STAMBPL1: variants seen among roughly 807,000 people sequenced by gnomAD.
STAMBPL1 encodes STAM binding protein like 1.
STAMBPL1 carries 44 observed loss-of-function variants against 52.9 expected under a neutral mutation model. That is an observed-to-expected ratio of 0.83 (90% confidence interval 0.65 to 1.07). The LOEUF (loss-of-function observed/expected upper bound fraction) is 1.07. Among genes scored for constraint, STAMBPL1 ranks in the 50% least tolerant of loss-of-function variants. The pLI, the probability that STAMBPL1 is intolerant of heterozygous loss-of-function variation, is 0.00. For synonymous variants in STAMBPL1, 164 were observed against 177.3 expected (o/e 0.92, Z 0.60); for missense variants, 511 against 520.8 (o/e 0.98, Z 0.18).
intron 1 of STAMBPL1, among the ~76,000 whole-genome samples, chr10:88,897,856 C>T (rs1366722387): frequency 6.6e-6 from 1 of 152,202 alleles, no homozygotes; most frequent in Non-Finnish European, 1.5e-5. Context: ...TTGCATGATA[C>T]TGAATACTTC....
chr10:88,910,777 T>G (rs1845201824), intron 4 of STAMBPL1, 139 bp from the exon 5 acceptor site: 1 of 535,616 alleles, frequency 1.9e-6, no homozygotes, highest in South Asian at 2.5e-5. Flanking sequence ...AAAAAAGAGA[T>G]TTATTTTTCT....
At chr10:88,896,467 A>G (rs997020876) in intron 1 of STAMBPL1, among the ~76,000 whole-genome samples, 1 of 152,194 alleles carries the variant, frequency 6.6e-6, no homozygotes, top group Non-Finnish European at 1.5e-5. Flanking sequence ...CTGAGTTACA[A>G]TAATTTTCTT....
chr10:88,906,750 G>T (rs1845084839), intron 3 of STAMBPL1, among the ~76,000 whole-genome samples: 1 of 152,122 alleles, frequency 6.6e-6, no homozygotes, highest in Non-Finnish European at 1.5e-5. Context: ...CTACAGGCAT[G>T]TGTCACCATG....
chr10:88,920,436 T>C (rs1158509862), intron 8 of STAMBPL1, among the ~76,000 whole-genome samples: 3 of 152,204 alleles, frequency 2.0e-5, no homozygotes, highest in Non-Finnish European at 4.4e-5. Context: ...CAGCGTCATA[T>C]AGCTAGTGAG....
At chr10:88,880,739 C>A (rs568449173) in intron 1 of STAMBPL1, 101 bp downstream of exon 1, 4 of 152,336 alleles carry the variant, frequency 2.6e-5, no homozygotes, top group East Asian at 3.9e-4. Flanking sequence ...CCGGCCCTTC[C>A]GCTGGCAGCG....
At chr10:88,896,407 C>T (rs926273891) in intron 1 of STAMBPL1, among the ~76,000 whole-genome samples, 2 of 152,174 alleles carry the variant, frequency 1.3e-5, no homozygotes, top group Non-Finnish European at 2.9e-5. Flanking sequence ...ATGGGAATGA[C>T]CCTTTACCTC....
chr10:88,921,467 AC>A, intron 9 of STAMBPL1, 72 bp downstream of exon 9: 1 of 1,241,692 alleles, frequency 8.1e-7, no homozygotes, highest in Non-Finnish European at 1.2e-6. Flanking sequence ...GTGTCCAGAC[AC>A]CAGGTTGTGG....
At chr10:88,887,567 C>T (rs184174336) in intron 1 of STAMBPL1, among the ~76,000 whole-genome samples, 10 of 152,300 alleles carry the variant, frequency 6.6e-5, no homozygotes, top group African/African-American at 2.2e-4. Context: ...CGTGGTCTGT[C>T]ACCCAGGCTG....
intron 1 of STAMBPL1, among the ~76,000 whole-genome samples, chr10:88,891,489 T>G (rs1405558374): frequency 6.6e-6 from 1 of 152,190 alleles, no homozygotes; most frequent in Non-Finnish European, 1.5e-5. Flanking sequence ...AATGGTATAT[T>G]TGCATAGTTT....
chr10:88,883,837 C>G (rs544362405), intron 1 of STAMBPL1, among the ~76,000 whole-genome samples: 42 of 152,162 alleles, frequency 2.8e-4, no homozygotes, highest in Non-Finnish European at 5.1e-4. Flanking sequence ...GTTAACCTTT[C>G]AAGGTACTCT....
intron 1 of STAMBPL1, among the ~76,000 whole-genome samples, chr10:88,899,409 C>G (rs191175720): frequency 6.6e-6 from 1 of 152,148 alleles, no homozygotes; most frequent in South Asian, 2.1e-4. Context: ...ATTTTAGATG[C>G]AGTAAAATGT....
chr10:88,916,957 G>A, intron 8 of STAMBPL1, 140 bp downstream of exon 8: 1 of 868,520 alleles, frequency 1.2e-6, no homozygotes, highest in Non-Finnish European at 1.6e-6. Flanking sequence ...TTTAAGTAGT[G>A]GTTCTCAAGC....
chr10:88,918,498 A>G (rs866719113), intron 8 of STAMBPL1, among the ~76,000 whole-genome samples: 5 of 152,150 alleles, frequency 3.3e-5, no homozygotes, highest in Non-Finnish European at 7.4e-5. Flanking sequence ...ATTTCTGTGA[A>G]CAGGAAACAA....
chr10:88,895,605 C>G (rs894257198), intron 1 of STAMBPL1, among the ~76,000 whole-genome samples: 1 of 152,204 alleles, frequency 6.6e-6, no homozygotes, highest in Non-Finnish European at 1.5e-5. Flanking sequence ...TATAATGGAA[C>G]TTTATTACCT....
chr10:88,905,791 T>A (rs571442592), intron 3 of STAMBPL1, 131 bp downstream of exon 3: 2 of 720,556 alleles, frequency 2.8e-6, no homozygotes, highest in African/African-American at 3.6e-5. Flanking sequence ...GAGCATTAAA[T>A]GTTCAAGTTT....
chr10:88,914,225 T>G (rs1845309591), intron 6 of STAMBPL1, among the ~76,000 whole-genome samples: 1 of 152,232 alleles, frequency 6.6e-6, no homozygotes, highest in Non-Finnish European at 1.5e-5. Context: ...ATGCAGCCTA[T>G]GCATTTAACC....
chr10:88,888,671 A>G (rs1217449758), intron 1 of STAMBPL1, among the ~76,000 whole-genome samples: 1 of 152,182 alleles, frequency 6.6e-6, no homozygotes, highest in East Asian at 1.9e-4. Flanking sequence ...GTACCTTAAT[A>G]TTGTGAGGCA....
At chr10:88,891,945 A>G (rs928336072) in intron 1 of STAMBPL1, among the ~76,000 whole-genome samples, 6 of 152,216 alleles carry the variant, frequency 3.9e-5, no homozygotes, top group African/African-American at 1.4e-4. Flanking sequence ...ATGAAAAATA[A>G]CAGTTGGGTA....
At chr10:88,899,788 G>A (rs1031845186) in intron 1 of STAMBPL1, among the ~76,000 whole-genome samples, 7 of 152,192 alleles carry the variant, frequency 4.6e-5, no homozygotes, top group African/African-American at 1.7e-4. Context: ...GGGATTACAG[G>A]CGTGAATCAC....
Sources: allele counts gnomAD v4.1 joint callset (sites outside exome capture counted in the v4.1 genomes callset), GRCh38; gene constraint gnomAD v4.1.1; transcripts MANE v1.5; gene names NCBI Gene and HGNC (gene_info 2026-07-23, HGNC 2026-07-21).